The following NPIPB15 variants were observed in gnomAD, a reference collection of about 807,000 sequenced individuals.
NPIPB15 encodes the protein nuclear pore complex interacting protein family member B15.
Under a neutral mutation model 35.9 loss-of-function variants are expected in NPIPB15, and 5 were observed. The ratio of observed to expected loss-of-function variants is 0.14; its 90% confidence interval spans 0.07 to 0.29. The LOEUF (loss-of-function observed/expected upper bound fraction) is 0.29, where lower values mean the gene tolerates loss of function less well. Ranked by LOEUF, NPIPB15 falls within the 10% of genes least tolerant of loss-of-function variation. The pLI is 1.00. For synonymous variants in NPIPB15, 43 were observed against 182.0 expected, an observed-to-expected ratio of 0.24 and a Z score of 6.15; for missense variants, 100 against 506.1, an observed-to-expected ratio of 0.20 and a Z score of 7.70.
chr16:74,378,495 C>T (rs1204789503), intron 2 of NPIPB15, among the ~76,000 whole-genome samples: 8 of 134,360 alleles, frequency 6.0e-5, no homozygotes, highest in East Asian at 2.4e-4. Context: ...GGCAAGATCT[C>T]GGCTCACTGC....
At chr16:74,379,950 T>C (rs1294927853) in intron 2 of NPIPB15, among the ~76,000 whole-genome samples, 9 of 128,708 alleles carry the variant, frequency 7.0e-5, no homozygotes, top group Non-Finnish European at 1.1e-4. Context: ...AATCTCTTCA[T>C]TGTATTTTTT....
intron 2 of NPIPB15, among the ~76,000 whole-genome samples, chr16:74,379,559 C>A (rs1386613924): frequency 6.7e-6 from 1 of 150,372 alleles, no homozygotes; most frequent in South Asian, 2.1e-4. Context: ...ACTATTCATG[C>A]CATTTTCATG....
At chr16:74,378,812 A>T (rs1407297536) in intron 2 of NPIPB15, among the ~76,000 whole-genome samples, 2,190 of 148,318 alleles carry the variant, frequency 0.015, 17 homozygotes, top group African/African-American at 0.054. Context: ...TTATTTATTT[A>T]TTTATTTGAG....
rs749365401 is a variant in NPIPB15 at position 74,391,411 on chromosome 16, G to A, written c.663G>A (p.Glu221=). 7.5e-6 allele frequency: 12 copies of A among 1,606,958 alleles called. No homozygotes were observed. The Admixed American group carries it at 8.3e-5, about 11-fold the overall frequency. ...LCNWVRMAAA[E]HRHSSGLPCW... ...TACAGGTCAGAATGGCGGCAGCGGA[G>A]CATCGTCATTCTTCAGGATTGCCCT... The change falls in exon 8 of 8, where the codon GAG becomes GAA. Residue 221 remains glutamate, a synonymous_variant. Transcript: ENST00000692376.
At chr16:74,379,163 T>C (rs1172847981) in intron 2 of NPIPB15, among the ~76,000 whole-genome samples, 3 of 152,254 alleles carry the variant, frequency 2.0e-5, no homozygotes, top group Admixed American at 6.5e-5. Flanking sequence ...AGTCTCTTTC[T>C]TATCATAGGT....
chr16:74,377,413 T>G, intron 1 of NPIPB15, among the ~76,000 whole-genome samples, 67 bp downstream of exon 1: 1 of 151,044 alleles, frequency 6.6e-6, no homozygotes, highest in African/African-American at 2.4e-5. Context: ...GGGGGAGGGG[T>G]CATTGGAATG....
At chr16:74,377,700 C>T (rs1380297537) in intron 1 of NPIPB15, among the ~76,000 whole-genome samples, 1 of 150,910 alleles carries the variant, frequency 6.6e-6, no homozygotes, top group African/African-American at 2.4e-5. Flanking sequence ...CTTTCCCAGA[C>T]CCCTTTCTTC....
At position 74,391,735 on chromosome 16, in the gene NPIPB15, C is replaced by A. The variant is rs756867853; in HGVS notation, c.987C>A (p.Pro329=). The A allele has an allele frequency of 7.5e-7, 1 of 1,336,832 alleles. No homozygotes were observed. Among genetic ancestry groups the A allele is most frequent in the South Asian group, 1.3e-5 (1 of 78,660 alleles). 82.8% of individuals were successfully genotyped at this position (1,336,832 alleles called of 1,614,324 possible). A position where few individuals can be genotyped will look rare whatever the true frequency, so the allele number is the denominator to read the frequency against. The change falls in exon 8 of 8, where the codon CCC becomes CCA. Residue 329 remains proline (P), a synonymous_variant. Transcript: ENST00000692376. ...ACTGTCTCTTTGTCCCTCTTCCACC[C>A]TCTCCTCTTCCACCCTCAGTGGATG... ...LKDCLFVPLP[P]SPLPPSVDDN...
chr16:74,386,381 C>T (rs1385294540), intron 5 of NPIPB15, among the ~76,000 whole-genome samples: 15 of 138,422 alleles, frequency 1.1e-4, no homozygotes, highest in South Asian at 2.6e-4. Context: ...GCAACCTCTG[C>T]CTCCCAGTTT....
chr16:74,382,537 C>A (rs560485870), intron 3 of NPIPB15, among the ~76,000 whole-genome samples: 1 of 152,252 alleles, frequency 6.6e-6, no homozygotes, highest in African/African-American at 2.4e-5. Flanking sequence ...AAAGTCTGTA[C>A]TTGGTAAGAA....
rs770183028 is a variant in NPIPB15 at position 74,381,537 on chromosome 16, T to C, written c.88T>C (p.Tyr30His). The change falls in exon 3 of 8, where the codon TAT becomes CAT. Residue 30 changes from tyrosine (Y) to histidine (H), a missense_variant. Physicochemically the swap from Tyr to His is moderately conservative, Grantham distance 83. Coordinates refer to ENST00000692376, the MANE Select transcript of NPIPB15 (RefSeq NM_001306094.2). The stretch of plus-strand genomic sequence containing the variant: ...CCAGGTCATCAATAGTCTGGCTGTC[T>C]ATCGTCATCGTGAGACTGACTTTGG... ...PTPVINSLAVYRHRETDFGVG... is the reference protein window; with the variant it reads ...PTPVINSLAVHRHRETDFGVG... 31 of 1,591,220 alleles carry C rather than the reference T, an allele frequency of 1.9e-5. No individual in the cohort carries two copies. Among genetic ancestry groups the C allele is most frequent in the Non-Finnish European group, 1.4e-5 (16 of 1,175,818 alleles).
intron 2 of NPIPB15, among the ~76,000 whole-genome samples, chr16:74,380,791 T>G (rs1201442490): frequency 2.0e-5 from 3 of 150,330 alleles, no homozygotes; most frequent in Admixed American, 6.7e-5. Context: ...GCCACTGCAC[T>G]CCAGCCTGGG....
chr16:74,379,971 T>TTC (rs1354889562), intron 2 of NPIPB15, among the ~76,000 whole-genome samples: 1 of 145,878 alleles, frequency 6.9e-6, no homozygotes, highest in Admixed American at 7.0e-5. Flanking sequence ...TTTTTTTTTT[T>TTC]ACTTATGCTG....
intron 3 of NPIPB15, among the ~76,000 whole-genome samples, chr16:74,383,548 C>T (rs1373639382): frequency 1.4e-5 from 1 of 71,176 alleles, no homozygotes; most frequent in African/African-American, 5.3e-5. Context: ...CTCTCGAAAT[C>T]CTAGTATATG....
At chr16:74,389,087 GGTGAGTTGTTGTCATCCTTAGGAAA>G (rs2012419358) in intron 5 of NPIPB15, among the ~76,000 whole-genome samples, 1 of 147,142 alleles carries the variant, frequency 6.8e-6, no homozygotes, top group African/African-American at 2.5e-5. Context: ...CTAGGGGTGG[GGTGAGTTGTTGTCATCCTTAGGAAA>G]GTGTGTTGTT....
chr16:74,383,810 G>A (rs1403951357), intron 3 of NPIPB15, among the ~76,000 whole-genome samples: 1 of 151,932 alleles, frequency 6.6e-6, no homozygotes, highest in Non-Finnish European at 1.5e-5. Context: ...CAGCTACTTG[G>A]GAGGCCGAGG....
intron 1 of NPIPB15, among the ~76,000 whole-genome samples, chr16:74,377,658 C>T (rs1177373397): frequency 1.9e-4 from 29 of 151,936 alleles, no homozygotes; most frequent in Admixed American, 1.3e-4. Context: ...AAACCTTCCA[C>T]CAGCGCTTGA....
intron 3 of NPIPB15, among the ~76,000 whole-genome samples, chr16:74,382,788 C>A (rs2142664981): frequency 6.6e-6 from 1 of 152,144 alleles, no homozygotes; most frequent in Non-Finnish European, 1.5e-5. Context: ...TTTGGCACTG[C>A]CTTTCAAGAT....
At chr16:74,378,807 TA>T (rs1356475932) in intron 2 of NPIPB15, among the ~76,000 whole-genome samples, 1 of 151,618 alleles carries the variant, frequency 6.6e-6, no homozygotes, top group African/African-American at 2.4e-5. Context: ...TTTATTTATT[TA>T]TTTATTTATT....
Sources: gnomAD v4.1 joint callset for allele counts (sites outside exome capture counted in the v4.1 genomes callset) on GRCh38, gnomAD v4.1.1 for gene constraint, MANE v1.5 for transcripts, NCBI Gene and HGNC (gene_info 2026-07-23, HGNC 2026-07-21) for gene names.